Variants in CHODL observed in about 807,000 individuals in gnomAD.
CHODL encodes chondrolectin.
A neutral mutation model predicts 34.5 loss-of-function variants in CHODL; 29 were observed. That is an observed-to-expected ratio of 0.84 (90% CI 0.63 to 1.15). CHODL has a LOEUF of 1.15. Among genes scored for constraint, CHODL ranks in the 50% most tolerant of loss-of-function variants. The probability of loss-of-function intolerance (pLI) is 0.00; values close to 1 mark genes in which losing one functional copy is unlikely to be tolerated. For missense variants in CHODL, 332 were observed against 332.5 expected, an observed-to-expected ratio of 1.00 and a Z score of 0.01; for synonymous variants, 125 against 116.1, an observed-to-expected ratio of 1.08 and a Z score of -0.49.
At chr21:18,113,998 A>T (rs2065382657) in intron 2 of CHODL, among the ~76,000 whole-genome samples, 1 of 152,228 alleles carries the variant, frequency 6.6e-6, no homozygotes, top group Non-Finnish European at 1.5e-5. Context: ...AACAACGTGG[A>T]TGGAACTGGA....
intron 2 of CHODL, among the ~76,000 whole-genome samples, chr21:18,169,066 C>CT (rs2073193515): frequency 6.6e-6 from 1 of 152,000 alleles, no homozygotes; most frequent in South Asian, 2.1e-4. Context: ...TCCTCTTCAT[C>CT]TTTTTTTGCA....
chr21:18,039,174 C>T (rs1353950772), intron 2 of CHODL, among the ~76,000 whole-genome samples: 1 of 151,654 alleles, frequency 6.6e-6, no homozygotes, highest in Non-Finnish European at 1.5e-5. Context: ...TCTGTACTAA[C>T]TCCTCTGTGT....
intron 2 of CHODL, among the ~76,000 whole-genome samples, chr21:18,162,173 TG>T (rs1047056825): frequency 1.1e-4 from 16 of 152,202 alleles, no homozygotes; most frequent in Non-Finnish European, 1.3e-4. Flanking sequence ...TTGTTAAGGC[TG>T]TCATAACAAA....
intron 2 of CHODL, among the ~76,000 whole-genome samples, chr21:18,133,656 G>A (rs376010096): frequency 1.1e-4 from 16 of 152,252 alleles, no homozygotes; most frequent in South Asian, 8.3e-4. Flanking sequence ...AGGTTAGGCA[G>A]ATTTGCGTAT....
intron 2 of CHODL, among the ~76,000 whole-genome samples, chr21:18,198,544 G>T (rs2073614972): frequency 6.6e-6 from 1 of 152,082 alleles, no homozygotes; most frequent in South Asian, 2.1e-4. Context: ...GGGATAATTT[G>T]TCTCTATACA....
chr21:18,209,396 A>G (rs2073749211), intron 2 of CHODL, among the ~76,000 whole-genome samples: 1 of 152,176 alleles, frequency 6.6e-6, no homozygotes, highest in African/African-American at 2.4e-5. Flanking sequence ...AAATTTTACC[A>G]GGCTTCTGAC....
chr21:18,098,407 T>C (rs536113159), intron 2 of CHODL, among the ~76,000 whole-genome samples: 1 of 152,016 alleles, frequency 6.6e-6, no homozygotes, highest in South Asian at 2.1e-4. Flanking sequence ...AAGAGTTAAA[T>C]AGAAATTTTT....
At chr21:17,995,917 C>T (rs1400637266) in intron 1 of CHODL, among the ~76,000 whole-genome samples, 2 of 152,226 alleles carry the variant, frequency 1.3e-5, no homozygotes, top group African/African-American at 4.8e-5. Context: ...TCTCCTACAT[C>T]TGTATTTGAT....
At chr21:18,067,395 T>C (rs1025408590) in intron 2 of CHODL, among the ~76,000 whole-genome samples, 5 of 152,162 alleles carry the variant, frequency 3.3e-5, no homozygotes, top group Non-Finnish European at 5.9e-5. Flanking sequence ...GAAATTTGAA[T>C]GTAGACATGT....
At chr21:18,224,252 C>A (rs1357829668) in intron 2 of CHODL, among the ~76,000 whole-genome samples, 1 of 152,112 alleles carries the variant, frequency 6.6e-6, no homozygotes, top group East Asian at 1.9e-4. Flanking sequence ...ACTTTCTGAG[C>A]CACTGATCGG....
intron 1 of CHODL, among the ~76,000 whole-genome samples, chr21:17,951,012 G>T (rs568532034): frequency 5.3e-5 from 8 of 151,878 alleles, no homozygotes; most frequent in Non-Finnish European, 7.4e-5. Flanking sequence ...AAATTTTGAT[G>T]AACTAAAACA....
At chr21:18,216,566 C>CATA (rs763447562) in intron 2 of CHODL, among the ~76,000 whole-genome samples, 4 of 152,182 alleles carry the variant, frequency 2.6e-5, no homozygotes, top group Non-Finnish European at 4.4e-5. Flanking sequence ...GTTTCATTCA[C>CATA]ATAATGTCCT....
intron 1 of CHODL, among the ~76,000 whole-genome samples, chr21:17,920,495 T>C (rs978394337): frequency 6.6e-6 from 1 of 152,196 alleles, no homozygotes; most frequent in African/African-American, 2.4e-5. Context: ...GCCCCCATAA[T>C]TTAATCACCT....
chr21:18,051,272 T>C (rs1414180694), intron 2 of CHODL, among the ~76,000 whole-genome samples: 1 of 152,052 alleles, frequency 6.6e-6, no homozygotes, highest in Non-Finnish European at 1.5e-5. Context: ...TCCTTTTTTA[T>C]GGATGCATAT....
At chr21:18,195,028 ATTATTTATTTATTTATTTAT>A (rs56855621) in intron 2 of CHODL, among the ~76,000 whole-genome samples, 2 of 144,014 alleles carry the variant, frequency 1.4e-5, no homozygotes, top group African/African-American at 2.6e-5. Flanking sequence ...AATACAATAC[ATTATTTATTTATTTATTTAT>A]TTATTTATTT....
intron 2 of CHODL, among the ~76,000 whole-genome samples, chr21:18,075,268 C>T (rs1199659908): frequency 6.6e-6 from 1 of 152,148 alleles, no homozygotes; most frequent in East Asian, 1.9e-4. Context: ...TAGAGCGTCA[C>T]GCTTTGCCAA....
chr21:18,034,230 A>T (rs1432657095), intron 2 of CHODL, among the ~76,000 whole-genome samples: 1 of 152,078 alleles, frequency 6.6e-6, no homozygotes, highest in East Asian at 1.9e-4. Flanking sequence ...GCATTATGTC[A>T]TGCAAACTTT....
chr21:18,134,968 C>A (rs968123053), intron 2 of CHODL, among the ~76,000 whole-genome samples: 1 of 152,164 alleles, frequency 6.6e-6, no homozygotes, highest in Non-Finnish European at 1.5e-5. Flanking sequence ...TGTGCTTTTT[C>A]TTATTAGCCT....
chr21:18,249,665 C>T (rs1272931903), intron 1 of CHODL, among the ~76,000 whole-genome samples: 1 of 152,076 alleles, frequency 6.6e-6, no homozygotes, highest in Non-Finnish European at 1.5e-5. Flanking sequence ...AGGTTTGAGA[C>T]ATATGGAGAC....
Sources: gnomAD v4.1 joint callset for allele counts (sites outside exome capture counted in the v4.1 genomes callset) on GRCh38, gnomAD v4.1.1 for gene constraint, MANE v1.5 for transcripts, NCBI Gene and HGNC (gene_info 2026-07-23, HGNC 2026-07-21) for gene names.